Variants in PTPRQ observed in about 807,000 individuals in gnomAD.
PTPRQ encodes the protein protein tyrosine phosphatase receptor type Q, also known as phosphatidylinositol phosphatase PTPRQ.
Under a neutral mutation model 246.0 loss-of-function variants are expected in PTPRQ, and 199 were observed. The observed-to-expected ratio is 0.81, with a 90% CI of 0.72 to 0.91. The LOEUF (loss-of-function observed/expected upper bound fraction) is 0.91, where lower values mean the gene tolerates loss of function less well. Ranked by LOEUF, PTPRQ falls within the 40% of genes least tolerant of loss-of-function variation. PTPRQ has a pLI of 0.00. For missense variants in PTPRQ, 2,624 were observed against 2,528.4 expected (o/e 1.04, Z -0.81); for synonymous variants, 869 against 853.2 (o/e 1.02, Z -0.32).
Position 80,542,294 on chromosome 12 carries a change from T to G in PTPRQ, c.3651T>G (p.Phe1217Leu). The G allele has an allele frequency of 6.5e-7, 1 of 1,549,912 alleles. No homozygotes were observed. The highest frequency in any genetic ancestry group is 8.7e-7 in the Non-Finnish European group (1 of 1,146,396). ...EELSPFTLYS[F>L]FAAARTRKGL... ...TTTCACCATTTACATTATATAGCTT[T>G]TTTGCTGCCGCAAGAACTAGAAAAG... Residue 1217 changes from phenylalanine (F) to leucine (L), a missense_variant, in exon 22 of 45, where the codon TTT (phenylalanine) becomes TTG (leucine). Coordinates refer to ENST00000644991, the MANE Select transcript of PTPRQ (RefSeq NM_001145026.2).
chr12:80,628,561 C>A (rs922838183), intron 33 of PTPRQ, among the ~76,000 whole-genome samples: 1 of 152,012 alleles, frequency 6.6e-6, no homozygotes, highest in Non-Finnish European at 1.5e-5. Context: ...TGGTTCAATG[C>A]CTGATCTTCA....
chr12:80,610,438 G>A lies in PTPRQ; in HGVS notation c.4732-1G>A, dbSNP rs1231101869. The A allele has an allele frequency of 4.7e-6, 7 of 1,474,460 alleles. No homozygotes were observed. The Admixed American group carries it at 7.4e-5, about 16-fold the overall frequency. 91.3% of individuals were successfully genotyped at this position (1,474,460 alleles called of 1,614,324 possible). A position where few individuals can be genotyped will look rare whatever the true frequency, so the allele number is the denominator to read the frequency against. On this transcript the variant is annotated splice_acceptor_variant, in intron 27 of 44. Transcript: ENST00000644991. LOFTEE classifies it high-confidence loss of function. ...TAATTTTTACTTATATTTTCCTATA[G>A]GTAGATAATGATGAATTTAATATAT... is the stretch of plus-strand genomic sequence containing the variant.
At chr12:80,610,685 G>T in intron 28 of PTPRQ, 60 bp downstream of exon 28, 1 of 1,516,424 alleles carries the variant, frequency 6.6e-7, no homozygotes, top group African/African-American at 1.4e-5. Flanking sequence ...CTTTCTTACA[G>T]TTCATCATAC....
chr12:80,485,675 A>T (rs1396462295), intron 9 of PTPRQ, among the ~76,000 whole-genome samples: 1 of 152,130 alleles, frequency 6.6e-6, no homozygotes, highest in Non-Finnish European at 1.5e-5. Flanking sequence ...TGTGCAAAAG[A>T]TGTTGAATTA....
chr12:80,604,256 T>A (rs1898237490), intron 26 of PTPRQ, among the ~76,000 whole-genome samples: 1 of 151,580 alleles, frequency 6.6e-6, no homozygotes, highest in Non-Finnish European at 1.5e-5. Flanking sequence ...CAGAGGTGTG[T>A]GCAGCAGTGT....
intron 6 of PTPRQ, among the ~76,000 whole-genome samples, chr12:80,468,477 A>T (rs1783228871): frequency 6.6e-6 from 1 of 152,222 alleles, no homozygotes; most frequent in Admixed American, 6.5e-5. Context: ...AATAGTAAAC[A>T]GTATTAAATA....
chr12:80,605,215 T>G, intron 27 of PTPRQ, 35 bp downstream of exon 27: 1 of 1,529,694 alleles, frequency 6.5e-7, no homozygotes, highest in Non-Finnish European at 8.8e-7. Flanking sequence ...AAAGCCAGTA[T>G]AAAATGGTTA....
At chr12:80,665,829 G>A (rs865945780) in intron 39 of PTPRQ, among the ~76,000 whole-genome samples, 16 of 151,832 alleles carry the variant, frequency 1.1e-4, no homozygotes, top group African/African-American at 3.6e-4. Context: ...ATGGCCAACA[G>A]GCATATGAAA....
At chr12:80,478,826 A>G (rs1340548480) in intron 8 of PTPRQ, among the ~76,000 whole-genome samples, 1 of 152,210 alleles carries the variant, frequency 6.6e-6, no homozygotes. Flanking sequence ...AGTTTAGAGA[A>G]AAATGAATAA....
chr12:80,456,604 A>T (rs758563786), intron 3 of PTPRQ, among the ~76,000 whole-genome samples: 60 of 152,228 alleles, frequency 3.9e-4, no homozygotes, highest in Non-Finnish European at 6.9e-4. Context: ...TGGAGCTTGA[A>T]TTTTTATTCC....
intron 25 of PTPRQ, among the ~76,000 whole-genome samples, chr12:80,553,290 T>A (rs1398740501): frequency 2.0e-5 from 3 of 152,132 alleles, no homozygotes; most frequent in Non-Finnish European, 4.4e-5. Flanking sequence ...TGATTTTTAT[T>A]TTTAAAATTG....
intron 9 of PTPRQ, among the ~76,000 whole-genome samples, chr12:80,488,100 T>C: frequency 6.6e-6 from 1 of 151,800 alleles, no homozygotes; most frequent in South Asian, 2.1e-4. Context: ...TACAGTTGTT[T>C]TTTTTTTTGT....
chr12:80,589,603 A>G (rs987336712), intron 26 of PTPRQ, among the ~76,000 whole-genome samples: 1 of 152,190 alleles, frequency 6.6e-6, no homozygotes, highest in Non-Finnish European at 1.5e-5. Context: ...TAGGCCACCA[A>G]TTGTGTCTCC....
chr12:80,450,849 T>A (rs1892738478), intron 3 of PTPRQ, among the ~76,000 whole-genome samples: 1 of 152,196 alleles, frequency 6.6e-6, no homozygotes, highest in African/African-American at 2.4e-5. Context: ...CTTTTTTGGT[T>A]GTGTCTCTGC....
intron 39 of PTPRQ, among the ~76,000 whole-genome samples, chr12:80,667,187 C>T (rs1270340545): frequency 6.6e-6 from 1 of 151,922 alleles, no homozygotes; most frequent in Non-Finnish European, 1.5e-5. Context: ...TTCCTGACAC[C>T]CTTCTCCTTT....
At chr12:80,459,054 C>T (rs963547159) in intron 4 of PTPRQ, among the ~76,000 whole-genome samples, 3 of 151,930 alleles carry the variant, frequency 2.0e-5, no homozygotes, top group Non-Finnish European at 1.5e-5. Context: ...TTATTTGAAA[C>T]GTTTCATCAA....
At position 80,619,468 on chromosome 12, in the gene PTPRQ, G is replaced by A. The variant is rs763815232; in HGVS notation, c.5315G>A (p.Arg1772Lys). The A allele has an allele frequency of 5.2e-6, 8 of 1,548,162 alleles. No homozygotes were observed. The Admixed American group carries it at 1.6e-4, about 30-fold the overall frequency. ...LLVTSTTITI[R>K]MPICYYSDDH... ...GTGACTTCAACAACAATTACAATCAGAATGCCAATATGTTACTACAGTGAT... is the reference window on the plus strand; with the variant it reads ...GTGACTTCAACAACAATTACAATCAAAATGCCAATATGTTACTACAGTGAT... Residue 1772 changes from arginine to lysine, a missense_variant, in exon 31 of 45, where the codon AGA becomes AAA. Transcript: ENST00000644991.
chr12:80,481,941 C>G (rs1373918831), intron 8 of PTPRQ, among the ~76,000 whole-genome samples: 1 of 141,518 alleles, frequency 7.1e-6, no homozygotes, highest in Non-Finnish European at 1.5e-5. Flanking sequence ...GTGAAAATGG[C>G]CATACTGCCC....
intron 3 of PTPRQ, among the ~76,000 whole-genome samples, chr12:80,450,896 A>G (rs913970362): frequency 3.3e-5 from 5 of 152,202 alleles, no homozygotes; most frequent in Non-Finnish European, 7.3e-5. Flanking sequence ...GCCTCATAAA[A>G]TGAGTTAGGG....
Sources: gnomAD v4.1 joint callset for allele counts (sites outside exome capture counted in the v4.1 genomes callset) on GRCh38, gnomAD v4.1.1 for gene constraint, MANE v1.5 for transcripts, NCBI Gene and HGNC (gene_info 2026-07-23, HGNC 2026-07-21) for gene names.